Variants in CTNNA2 observed in about 807,000 individuals in gnomAD.
The protein encoded by CTNNA2 is catenin alpha 2, also known as catenin alpha-2.
Under a neutral mutation model 101.0 loss-of-function variants are expected in CTNNA2, and 42 were observed. The ratio of observed to expected loss-of-function variants is 0.42; its 90% CI spans 0.32 to 0.54. CTNNA2 has a LOEUF of 0.54. CTNNA2 is among the 20% of genes least tolerant of loss of function. CTNNA2 has a pLI of 0.14. For synonymous variants in CTNNA2, 450 were observed against 456.4 expected, an observed-to-expected ratio of 0.99 and a Z score of 0.18; for missense variants, 871 against 1,223.1, an observed-to-expected ratio of 0.71 and a Z score of 4.29.
chr2:79,629,230 T>C (rs1264828101), intron 1 of CTNNA2, among the ~76,000 whole-genome samples: 2 of 150,324 alleles, frequency 1.3e-5, no homozygotes, highest in Admixed American at 6.7e-5. Flanking sequence ...TTAAAAGATA[T>C]GAAAATAAAT....
chr2:79,722,476 A>G (rs1272541695), intron 2 of CTNNA2, among the ~76,000 whole-genome samples: 1 of 152,168 alleles, frequency 6.6e-6, no homozygotes, highest in East Asian at 1.9e-4. Flanking sequence ...GTGGTTAGCA[A>G]TTACTTTAGT....
intron 9 of CTNNA2, among the ~76,000 whole-genome samples, chr2:80,495,569 G>C (rs1337720610): frequency 1.3e-5 from 2 of 152,150 alleles, no homozygotes; most frequent in Admixed American, 6.5e-5. Flanking sequence ...AGGGTCATTG[G>C]AGATGTAATT....
chr2:80,565,744 A>G (rs1168056313), intron 12 of CTNNA2, among the ~76,000 whole-genome samples: 1 of 152,048 alleles, frequency 6.6e-6, no homozygotes, highest in Non-Finnish European at 1.5e-5. Flanking sequence ...TCCAAAGCAT[A>G]ATGTATTTGT....
intron 7 of CTNNA2, among the ~76,000 whole-genome samples, chr2:80,370,086 G>A (rs1249335210): frequency 6.6e-6 from 1 of 152,140 alleles, no homozygotes; most frequent in Admixed American, 6.6e-5. Context: ...ACTCCAAGTA[G>A]CAAGTATCAT....
intron 2 of CTNNA2, among the ~76,000 whole-genome samples, chr2:79,288,774 G>A: frequency 6.6e-6 from 1 of 152,120 alleles, no homozygotes; most frequent in East Asian, 1.9e-4. Flanking sequence ...TATTCTATTT[G>A]TCAAAACAAT....
At chr2:79,765,215 A>G (rs1196854339) in intron 3 of CTNNA2, among the ~76,000 whole-genome samples, 1 of 152,254 alleles carries the variant, frequency 6.6e-6, no homozygotes, top group Non-Finnish European at 1.5e-5. Context: ...TGCTTATCTC[A>G]GTAAACATTT....
At chr2:79,980,244 A>G (rs1260934527) in intron 7 of CTNNA2, among the ~76,000 whole-genome samples, 5 of 152,162 alleles carry the variant, frequency 3.3e-5, no homozygotes, top group African/African-American at 9.7e-5. Flanking sequence ...CTGAAATGAC[A>G]TTGTCATTTT....
At chr2:80,383,335 G>A (rs1676687884) in intron 7 of CTNNA2, among the ~76,000 whole-genome samples, 2 of 152,116 alleles carry the variant, frequency 1.3e-5, no homozygotes, top group South Asian at 4.1e-4. Flanking sequence ...CCTATCCCCA[G>A]GTGCCTACTT....
chr2:80,584,700 C>T (rs1184107816), intron 14 of CTNNA2, among the ~76,000 whole-genome samples: 1 of 152,074 alleles, frequency 6.6e-6, no homozygotes, highest in Non-Finnish European at 1.5e-5. Context: ...TTCTTAACCT[C>T]TCCACACTTC....
intron 7 of CTNNA2, among the ~76,000 whole-genome samples, chr2:80,029,165 A>G (rs1211399318): frequency 6.6e-6 from 1 of 152,176 alleles, no homozygotes; most frequent in Non-Finnish European, 1.5e-5. Flanking sequence ...TGCTACTACG[A>G]TTACTACTAC....
intron 8 of CTNNA2, among the ~76,000 whole-genome samples, chr2:80,398,295 T>G (rs1204193851): frequency 6.6e-6 from 1 of 152,310 alleles, no homozygotes; most frequent in East Asian, 1.9e-4. Context: ...TAAAACCATT[T>G]ATTTCTGGAT....
upstream of CTNNA2, among the ~76,000 whole-genome samples, chr2:79,511,658 T>G (rs959893908): frequency 4.6e-5 from 7 of 152,214 alleles, no homozygotes; most frequent in Admixed American, 4.6e-4. Flanking sequence ...CAAAAAGATA[T>G]TGGGAGAGAA....
intron 2 of CTNNA2, among the ~76,000 whole-genome samples, chr2:79,676,031 C>G (rs996091231): frequency 6.6e-6 from 1 of 152,054 alleles, no homozygotes; most frequent in African/African-American, 2.4e-5. Flanking sequence ...GTGAGGGCAT[C>G]CTGAGAGATG....
intron 2 of CTNNA2, among the ~76,000 whole-genome samples, chr2:79,302,069 G>A (rs1188887397): frequency 2.0e-5 from 3 of 151,726 alleles, no homozygotes; most frequent in Non-Finnish European, 4.4e-5. Context: ...CTTCAGCCTG[G>A]GTGACAGAGA....
intron 1 of CTNNA2, among the ~76,000 whole-genome samples, chr2:79,636,330 G>A (rs1356614509): frequency 1.3e-5 from 2 of 149,008 alleles, no homozygotes; most frequent in African/African-American, 4.9e-5. Flanking sequence ...AGATGTGGGA[G>A]TTTTCAGCAT....
At chr2:80,557,144 A>G (rs1281476658) in intron 12 of CTNNA2, among the ~76,000 whole-genome samples, 5 of 152,202 alleles carry the variant, frequency 3.3e-5, no homozygotes, top group African/African-American at 1.2e-4. Flanking sequence ...TAAAGAGCAC[A>G]TCTAGAGACT....
At chr2:79,510,621 C>A (rs1473172270), upstream of CTNNA2, among the ~76,000 whole-genome samples, 1 of 152,154 alleles carries the variant, frequency 6.6e-6, no homozygotes, top group African/African-American at 2.4e-5. Flanking sequence ...TGACTGAAAC[C>A]CATTGCCTGA....
intron 2 of CTNNA2, among the ~76,000 whole-genome samples, chr2:79,694,035 T>C (rs11677290): frequency 0.3 from 45,180 of 151,858 alleles, 7,284 homozygotes; most frequent in Admixed American, 0.36. Context: ...CACATACTTA[T>C]ATGAATAGAC....
chr2:80,219,984 C>T (rs1425634043), intron 7 of CTNNA2, among the ~76,000 whole-genome samples: 2 of 151,508 alleles, frequency 1.3e-5, no homozygotes, highest in Non-Finnish European at 2.9e-5. Context: ...AACAAACAAA[C>T]AAAAAAAACA....
Sources: gnomAD v4.1 joint callset for allele counts (sites outside exome capture counted in the v4.1 genomes callset) on GRCh38, gnomAD v4.1.1 for gene constraint, MANE v1.5 for transcripts, NCBI Gene and HGNC (gene_info 2026-07-23, HGNC 2026-07-21) for gene names.